The following ITGA2 variants were observed in gnomAD, a reference collection of about 807,000 sequenced individuals.
ITGA2 encodes the protein integrin alpha-2.
A neutral mutation model predicts 146.3 loss-of-function variants in ITGA2; 101 were observed. The observed-to-expected ratio is 0.69, with a 90% CI of 0.59 to 0.81. The LOEUF (loss-of-function observed/expected upper bound fraction) is 0.81. Among genes scored for constraint, ITGA2 ranks in the 40% least tolerant of loss-of-function variants. The pLI is 0.00. For missense variants in ITGA2, 1,281 were observed against 1,402.7 expected (o/e 0.91, Z 1.39); for synonymous variants, 477 against 487.1 (o/e 0.98, Z 0.27).
At chr5:53,003,616 CT>C (rs1040768359) in intron 1 of ITGA2, among the ~76,000 whole-genome samples, 5 of 152,134 alleles carry the variant, frequency 3.3e-5, no homozygotes, top group African/African-American at 1.2e-4. Flanking sequence ...AATGGATGGG[CT>C]TTTATAACCT....
intron 1 of ITGA2, among the ~76,000 whole-genome samples, chr5:53,016,956 T>C (rs939511852): frequency 2.6e-5 from 4 of 152,220 alleles, no homozygotes; most frequent in Admixed American, 1.3e-4. Flanking sequence ...TTTCTTGAAA[T>C]AGTCATTTTG....
chr5:53,024,411 A>G (rs1311052265), intron 1 of ITGA2, among the ~76,000 whole-genome samples: 2 of 152,250 alleles, frequency 1.3e-5, no homozygotes, highest in Non-Finnish European at 2.9e-5. Flanking sequence ...ATTCCAAATC[A>G]TTATTGAAGA....
In ITGA2 at chr5:53,056,116, G is replaced by T. The variant is rs949729167; in HGVS notation, c.1063G>T (p.Gly355Trp). 1.2e-5 allele frequency: 20 copies of T among 1,611,756 alleles called. No homozygotes were observed. The highest frequency in any genetic ancestry group is 1.7e-5 in the Non-Finnish European group (20 of 1,178,738). Residue 355 changes from glycine to tryptophan, a missense_variant, in exon 9 of 30, where the codon GGG (glycine) becomes TGG (tryptophan). This residue lies in a region of ITGA2 where 795 missense variants were observed against 841.7 expected (regional missense o/e 0.94). Coordinates refer to ENST00000296585, the MANE Select transcript of ITGA2 (RefSeq NM_002203.4). ...TGAAGCAGCTCTACTAGAAAAGGCT[G>T]GGACATTAGGAGAACAAATTTTCAG... ...SDEAALLEKA[G>W]TLGEQIFSIE... is the part of the protein sequence containing the mutation.
intron 1 of ITGA2, among the ~76,000 whole-genome samples, chr5:53,007,086 A>G (rs930438356): frequency 6.6e-6 from 1 of 152,196 alleles, no homozygotes; most frequent in Non-Finnish European, 1.5e-5. Flanking sequence ...TGCTAGAAGA[A>G]AAAATGAATT....
intron 4 of ITGA2, 74 bp from the exon 5 acceptor site, chr5:53,048,289 A>G: frequency 1.9e-6 from 2 of 1,060,826 alleles, no homozygotes; most frequent in South Asian, 2.5e-5. Flanking sequence ...ATGATTTCTG[A>G]GCTCCATAAT....
intron 1 of ITGA2, among the ~76,000 whole-genome samples, chr5:53,014,657 A>C (rs1579799929): frequency 6.6e-6 from 1 of 152,122 alleles, no homozygotes; most frequent in African/African-American, 2.4e-5. Context: ...TTTTTGGAAT[A>C]ATTTTAGTAG....
At chr5:53,045,374 A>G (rs914523010) in intron 4 of ITGA2, among the ~76,000 whole-genome samples, 2 of 152,230 alleles carry the variant, frequency 1.3e-5, no homozygotes, top group Non-Finnish European at 2.9e-5. Context: ...GTATTTGTTG[A>G]TAACAGCAGA....
At chr5:52,996,799 T>C (rs1741282371) in intron 1 of ITGA2, among the ~76,000 whole-genome samples, 1 of 152,230 alleles carries the variant, frequency 6.6e-6, no homozygotes, top group African/African-American at 2.4e-5. Flanking sequence ...TTTATGTTTC[T>C]CCAGTTAAGC....
intron 27 of ITGA2, among the ~76,000 whole-genome samples, chr5:53,086,716 T>C (rs1038821428): frequency 3.9e-5 from 6 of 152,044 alleles, no homozygotes; most frequent in Non-Finnish European, 5.9e-5. Context: ...CCCCAGAGAG[T>C]TGATTTGTGG....
chr5:52,994,289 C>T (rs1741116879), intron 1 of ITGA2, among the ~76,000 whole-genome samples: 2 of 152,166 alleles, frequency 1.3e-5, no homozygotes, highest in South Asian at 4.1e-4. Flanking sequence ...TGTCTCAGCC[C>T]TGAAGCATAC....
intron 1 of ITGA2, among the ~76,000 whole-genome samples, chr5:53,014,882 A>G (rs1347951568): frequency 6.6e-6 from 1 of 152,062 alleles, no homozygotes; most frequent in African/African-American, 2.4e-5. Flanking sequence ...ATTTGTGTGC[A>G]TAGAGGTGTT....
rs1173938315 is a variant in ITGA2, at chr5:53,094,438, T to C, written c.*3839T>C. ...TATATATTGCATAACTATGTTAGAA[T>C]TGTATATATTTTAAAGAAATTGTCT... On this transcript the variant is annotated 3_prime_UTR_variant, in exon 30 of 30. Coordinates refer to ENST00000296585, the MANE Select transcript of ITGA2 (RefSeq NM_002203.4). The C allele has an allele frequency of 6.6e-6, 1 of 152,228 alleles. No individual in the cohort carries two copies. The highest frequency in any genetic ancestry group is 1.9e-4 in the East Asian group (1 of 5,194). The allele number at this position is 152,228 out of a possible 1,614,324, so 9.4% of individuals were successfully genotyped here.
chr5:53,056,260 C>G, intron 9 of ITGA2, 111 bp downstream of exon 9: 1 of 845,494 alleles, frequency 1.2e-6, no homozygotes. Flanking sequence ...ATAAAAAGAG[C>G]TACTACAATC....
In ITGA2 at chr5:53,091,881, A is replaced by T. The variant is rs564058921; in HGVS notation, c.*1282A>T. The T allele has an allele frequency of 3.9e-5, 6 of 152,232 alleles. No individual in the cohort carries two copies. Among genetic ancestry groups the T allele is most frequent in the Non-Finnish European group, 5.9e-5 (4 of 68,050 alleles). 9.4% of individuals were successfully genotyped at this position (152,232 alleles called of 1,614,324 possible). The stretch of plus-strand genomic sequence containing the variant: ...CTCAGGATTTCACCAGAAGTTACAG[A>T]TGAGGCACTGGAAGCCACCAAATTA... On this transcript the variant is annotated 3_prime_UTR_variant, in exon 30 of 30. Coordinates refer to ENST00000296585, the MANE Select transcript of ITGA2 (RefSeq NM_002203.4).
At chr5:53,069,714 G>T (rs995802573) in intron 16 of ITGA2, among the ~76,000 whole-genome samples, 1 of 151,862 alleles carries the variant, frequency 6.6e-6, no homozygotes, top group Non-Finnish European at 1.5e-5. Context: ...TGGCATACAT[G>T]AGAATGTGTC....
chr5:53,075,073 A>C lies in ITGA2; in HGVS notation c.2677A>C (p.Ile893Leu). The change falls in exon 22 of 30, where the codon ATT becomes CTT. Residue 893 changes from isoleucine (I) to leucine (L), a missense_variant. Ile to Leu is a conservative substitution (Grantham distance 5). Transcript: ENST00000296585. ...LKREQQVTFT[I>L]NFDFNLQNLQ... ...ATTTTGTCTTTAGGTGACTTTTACTATTAACTTTGACTTCAATCTTCAAAA... is the reference window on the plus strand; with the variant it reads ...ATTTTGTCTTTAGGTGACTTTTACTCTTAACTTTGACTTCAATCTTCAAAA... The C allele has an allele frequency of 1.2e-5, 19 of 1,609,594 alleles. No individual in the cohort carries two copies. The highest frequency in any genetic ancestry group is 1.6e-5 in the Non-Finnish European group (19 of 1,177,168).
chr5:53,033,313 C>T (rs1264961131), intron 2 of ITGA2, among the ~76,000 whole-genome samples: 67 of 151,976 alleles, frequency 4.4e-4, no homozygotes, highest in Admixed American at 4.4e-3. Flanking sequence ...TCCCCTCAAC[C>T]AATTCTCATC....
At chr5:53,025,814 C>T (rs1243455738) in intron 1 of ITGA2, among the ~76,000 whole-genome samples, 1 of 152,170 alleles carries the variant, frequency 6.6e-6, no homozygotes, top group East Asian at 1.9e-4. Flanking sequence ...GAGGCATATT[C>T]CCATCTCCAG....
intron 2 of ITGA2, among the ~76,000 whole-genome samples, chr5:53,040,920 G>T (rs1210756072): frequency 6.6e-6 from 1 of 151,752 alleles, no homozygotes; most frequent in Non-Finnish European, 1.5e-5. Context: ...TATATTCCAG[G>T]TCATTTGGAT....
Sources: gnomAD v4.1 joint callset for allele counts (sites outside exome capture counted in the v4.1 genomes callset) on GRCh38, gnomAD v4.1.1 for gene constraint, gnomAD v4.1.1 regional missense constraint, MANE v1.5 for transcripts, NCBI Gene and HGNC (gene_info 2026-07-23, HGNC 2026-07-21) for gene names.